Variants in SMPD4 observed in about 807,000 individuals in gnomAD.
SMPD4 encodes the protein neutral sphingomyelinase 3.
Under a neutral mutation model 97.8 loss-of-function variants are expected in SMPD4, and 58 were observed. That is an observed-to-expected ratio of 0.59 (90% CI 0.48 to 0.74). The LOEUF (loss-of-function observed/expected upper bound fraction) is 0.74. SMPD4 is among the 30% of genes least tolerant of loss of function. The probability of loss-of-function intolerance (pLI) is 0.00; values close to 1 mark genes in which losing one functional copy is unlikely to be tolerated. For missense variants in SMPD4, 853 were observed against 1,080.5 expected (o/e 0.79, Z 2.95); for synonymous variants, 388 against 450.0 (o/e 0.86, Z 1.74).
chr2:130,155,337 GC>G, intron 14 of SMPD4, 78 bp from the exon 15 acceptor site: 1 of 1,566,990 alleles, frequency 6.4e-7, no homozygotes, highest in Non-Finnish European at 8.7e-7. Flanking sequence ...TGCCCCTAAT[GC>G]CCTTGCTCAC....
intron 8 of SMPD4, 117 bp from the exon 9 acceptor site, chr2:130,167,707 T>C: frequency 8.8e-7 from 1 of 1,140,458 alleles, no homozygotes; most frequent in Non-Finnish European, 1.2e-6. Context: ...TTACAACTTG[T>C]TCAATAGCAC....
intron 9 of SMPD4, among the ~76,000 whole-genome samples, chr2:130,166,537 CA>C (rs944991469): frequency 3.9e-5 from 6 of 152,078 alleles, no homozygotes; most frequent in Non-Finnish European, 7.4e-5. Flanking sequence ...ATGGAGGCTT[CA>C]AAAAGTGCAG....
chr2:130,176,171 C>A (rs1441125542), intron 2 of SMPD4, among the ~76,000 whole-genome samples: 3 of 152,214 alleles, frequency 2.0e-5, no homozygotes, highest in East Asian at 1.9e-4. Context: ...GGCCCCCGCA[C>A]AACAGTGTCT....
At chr2:130,169,657 G>C (rs1159853959) in intron 8 of SMPD4, among the ~76,000 whole-genome samples, 1 of 151,808 alleles carries the variant, frequency 6.6e-6, no homozygotes, top group East Asian at 1.9e-4. Context: ...CTGGGCACAA[G>C]TGATCCTCCC....
At position 130,161,253 on chromosome 2, in the gene SMPD4, C is replaced by A. The variant is rs376842429; in HGVS notation, c.884G>T (p.Arg295Leu). The A allele has an allele frequency of 7.4e-6, 12 of 1,613,688 alleles. No individual in the cohort carries two copies. Among genetic ancestry groups the A allele is most frequent in the Non-Finnish European group, 1.0e-5 (12 of 1,179,968 alleles). Reference protein sequence around the residue: ...PHAKLEVLHYRLSVSSALYSP... With the variant: ...PHAKLEVLHYLLSVSSALYSP... ...GTAGAGGGCGCTGGAGACACTGAGT[C>A]GGTAGTGCAGAACCTCCAGCTGAGA... Residue 295 changes from arginine (R) to leucine (L), a missense_variant, in exon 11 of 20, where the codon CGA becomes CTA. This residue lies in a region of SMPD4 where 313 missense variants were observed against 402.2 expected (regional missense o/e 0.78). Coordinates refer to ENST00000680298, the MANE Select transcript of SMPD4 (RefSeq NM_017951.5).
Position 130,181,466 on chromosome 2 carries a change from G to A in SMPD4, c.-46+64C>T. On this transcript the variant is annotated intron_variant, in intron 1 of 19. Transcript: ENST00000680298. ...TCGCGGAGGAACGGAGATGGCCTCCGCAGGGGCTCGGGGAAGCCCCCAGGG... is the reference window on the plus strand; with the variant it reads ...TCGCGGAGGAACGGAGATGGCCTCCACAGGGGCTCGGGGAAGCCCCCAGGG... The A allele has an allele frequency of 1.5e-5, 23 of 1,546,122 alleles. No homozygotes were observed. In the South Asian group the frequency reaches 2.6e-4, roughly 18 times the overall value.
At position 130,152,453 on chromosome 2, in the gene SMPD4, A is replaced by G. The variant is rs1222165528; in HGVS notation, c.*102T>C. On this transcript the variant is annotated 3_prime_UTR_variant, in exon 20 of 20. Transcript: ENST00000680298. ...GGAACCCCGCTCCAGAAGCCCGAGGATGACCGTGTTCCCTCCTGGAGGGGC... is the reference window on the plus strand; with the variant it reads ...GGAACCCCGCTCCAGAAGCCCGAGGGTGACCGTGTTCCCTCCTGGAGGGGC... The G allele has an allele frequency of 7.8e-7, 1 of 1,277,346 alleles. No individual in the cohort carries two copies. The highest frequency in any genetic ancestry group is 2.8e-5 in the Admixed American group (1 of 35,930). 79.1% of individuals were successfully genotyped at this position (1,277,346 alleles called of 1,614,324 possible).
intron 15 of SMPD4, chr2:130,154,868 C>T (rs1686617190): frequency 1.5e-6 from 1 of 653,266 alleles, no homozygotes; most frequent in Non-Finnish European, 2.6e-6. Context: ...GCTCTGTGGG[C>T]ACACCTGCGA....
chr2:130,152,667 G>C lies in SMPD4; in HGVS notation c.2372C>G (p.Ser791Cys), dbSNP rs757612414. Residue 791 changes from serine to cysteine, a missense_variant, in exon 20 of 20, where the codon TCT becomes TGT. Coordinates refer to ENST00000680298, the MANE Select transcript of SMPD4 (RefSeq NM_017951.5). ...VSLLLAFFVA[S>C]LFCVGPLPCT... is the part of the protein sequence containing the mutation. ...TGGGAGGGGCCCGACGCAGAACAGA[G>C]AGGCCACGAAGAAGGCCAGCAGCAG... 3 of 1,567,146 alleles carry C rather than the reference G, an allele frequency of 1.9e-6. No homozygotes were observed. The highest frequency in any genetic ancestry group is 2.7e-5 in the African/African-American group (2 of 73,774).
At chr2:130,165,918 T>C (rs1427548105) in intron 9 of SMPD4, among the ~76,000 whole-genome samples, 1 of 152,188 alleles carries the variant, frequency 6.6e-6, no homozygotes, top group East Asian at 1.9e-4. Context: ...GGAGATTGCA[T>C]GCACAACAAC....
At chr2:130,181,322 C>A in intron 1 of SMPD4, 1 of 1,426,166 alleles carries the variant, frequency 7.0e-7, no homozygotes, top group South Asian at 1.5e-5. Context: ...GTACGAGCCG[C>A]GCGGGAAGGT....
intron 15 of SMPD4, chr2:130,154,847 C>T (rs1686614095): frequency 6.5e-6 from 4 of 619,936 alleles, no homozygotes; most frequent in Non-Finnish European, 1.1e-5. Context: ...CAGCTTGGAC[C>T]GTGCCGGCCC....
chr2:130,152,857 A>C lies in SMPD4; in HGVS notation c.2182T>G (p.Ser728Ala). The C allele has an allele frequency of 6.3e-7, 1 of 1,588,670 alleles. No homozygotes were observed. Among genetic ancestry groups the C allele is most frequent in the Middle Eastern group, 1.7e-4 (1 of 5,886 alleles). Reference sequence around the variant, plus strand: ...AAGCTGCCGAGGAAGTCATCCCGGGAACACAGAGCCGCCATCTGTCCTGCA... The same window carrying C: ...AAGCTGCCGAGGAAGTCATCCCGGGCACACAGAGCCGCCATCTGTCCTGCA... ...RFAGQMAALCSRDDFLGSFCR... is the reference protein window; with the variant it reads ...RFAGQMAALCARDDFLGSFCR... Residue 728 changes from serine (S) to alanine (A), a missense_variant, in exon 20 of 20, where the codon TCC becomes GCC. This residue lies in a region of SMPD4 where 511 missense variants were observed against 608.1 expected (regional missense o/e 0.84). Transcript: ENST00000680298.
chr2:130,169,872 C>G (rs1378952875), intron 8 of SMPD4, among the ~76,000 whole-genome samples: 1 of 151,988 alleles, frequency 6.6e-6, no homozygotes, highest in Admixed American at 6.6e-5. Context: ...TTTTATTATG[C>G]GTGGAAACTT....
chr2:130,166,505 T>C (rs1198074954), intron 9 of SMPD4, among the ~76,000 whole-genome samples: 1 of 152,056 alleles, frequency 6.6e-6, no homozygotes, highest in Non-Finnish European at 1.5e-5. Context: ...CATTCCACCC[T>C]GCGAGGATGC....
chr2:130,154,033 G>C, intron 16 of SMPD4, 98 bp from the exon 17 acceptor site: 1 of 1,232,242 alleles, frequency 8.1e-7, no homozygotes, highest in South Asian at 1.4e-5. Flanking sequence ...TGAGCGTCAG[G>C]AGGAGTGGCT....
intron 15 of SMPD4, 88 bp from the exon 16 acceptor site, chr2:130,154,570 T>C (rs550746490): frequency 1.3e-6 from 2 of 1,536,784 alleles, no homozygotes; most frequent in South Asian, 1.2e-5. Context: ...GTCTCTGAGG[T>C]GTCTGGGGAG....
intron 14 of SMPD4, 29 bp downstream of exon 14, chr2:130,156,006 G>A (rs1686749923): frequency 6.2e-7 from 1 of 1,600,160 alleles, no homozygotes. Context: ...GGAGCCAGTG[G>A]CATGTCTGTG....
At position 130,167,607 on chromosome 2, in the gene SMPD4, AACAGGCCCGAGTT is replaced by A; in HGVS notation, c.660-30_660-18del. 1.3e-6 allele frequency: 2 copies of A among 1,583,742 alleles called. No individual in the cohort carries two copies. Among genetic ancestry groups the A allele is most frequent in the Non-Finnish European group, 1.7e-6 (2 of 1,161,748 alleles). ...GCTGGTGTCCTGAGGGAGACACAGA[AACAGGCCCGAGTT>A]ACAGGCTCCCGCTGTAACTCGCTCC... On this transcript the variant is annotated intron_variant, in intron 8 of 19. Transcript: ENST00000680298.
Sources: gnomAD v4.1 joint callset for allele counts (sites outside exome capture counted in the v4.1 genomes callset) on GRCh38, gnomAD v4.1.1 for gene constraint, gnomAD v4.1.1 regional missense constraint, MANE v1.5 for transcripts, NCBI Gene and HGNC (gene_info 2026-07-23, HGNC 2026-07-21) for gene names.